CACNA2D3: variants seen among roughly 807,000 people sequenced by gnomAD.
CACNA2D3 encodes the protein calcium voltage-gated channel auxiliary subunit alpha2delta 3.
CACNA2D3 carries 60 observed loss-of-function variants against 160.6 expected under a neutral mutation model. The observed-to-expected ratio is 0.37, with a 90% CI of 0.30 to 0.46. The LOEUF (loss-of-function observed/expected upper bound fraction) is 0.46, where lower values mean the gene tolerates loss of function less well. Ranked by LOEUF, CACNA2D3 falls within the 20% of genes least tolerant of loss-of-function variation. The pLI, the probability that CACNA2D3 is intolerant of heterozygous loss-of-function variation, is 1.00. For missense variants in CACNA2D3, 1,205 were observed against 1,365.0 expected, an observed-to-expected ratio of 0.88 and a Z score of 1.85; for synonymous variants, 558 against 492.9, an observed-to-expected ratio of 1.13 and a Z score of -1.75.
intron 6 of CACNA2D3, among the ~76,000 whole-genome samples, chr3:54,567,029 C>A (rs1702419781): frequency 6.6e-6 from 1 of 152,144 alleles, no homozygotes; most frequent in South Asian, 2.1e-4. Flanking sequence ...CCTTGGCTAG[C>A]TCAACAGGAC....
intron 27 of CACNA2D3, among the ~76,000 whole-genome samples, chr3:54,959,770 A>G (rs1267252288): frequency 1.3e-5 from 2 of 152,152 alleles, no homozygotes; most frequent in Non-Finnish European, 2.9e-5. Context: ...TGGCTTGAAA[A>G]CTTTATTGAA....
rs553098447 is a variant in CACNA2D3 at position 54,717,650 on chromosome 3, T to C, written c.1168-34949T>C. ...CATGTGTGTGTGGTGTGTGCGTGTC[T>C]GGTGCGTGTGTATGCATGTGTGGTG... is the stretch of plus-strand genomic sequence containing the variant. On this transcript the variant is annotated intron_variant, in intron 11 of 37. Coordinates refer to ENST00000474759, the MANE Select transcript of CACNA2D3 (RefSeq NM_018398.3). Among the ~76,000 whole-genome samples the C allele has an allele frequency of 2.8e-5, 4 of 145,246 alleles. No homozygotes were observed. In the East Asian group the frequency reaches 8.2e-4, roughly 30 times the overall value.
chr3:54,306,430 A>G (rs898910226), intron 2 of CACNA2D3, among the ~76,000 whole-genome samples: 4 of 151,934 alleles, frequency 2.6e-5, no homozygotes, highest in Admixed American at 6.5e-5. Context: ...GTGGACTTCT[A>G]TTAACTTCCT....
At chr3:54,314,621 C>T (rs1703822385) in intron 2 of CACNA2D3, among the ~76,000 whole-genome samples, 2 of 152,070 alleles carry the variant, frequency 1.3e-5, no homozygotes, top group Non-Finnish European at 2.9e-5. Flanking sequence ...AAGGTGGTTT[C>T]GCATTGTGGT....
chr3:54,810,003 G>A (rs999138523), intron 13 of CACNA2D3, among the ~76,000 whole-genome samples: 2 of 152,174 alleles, frequency 1.3e-5, no homozygotes, highest in African/African-American at 2.4e-5. Flanking sequence ...ATTATAGAAA[G>A]ACACTTGGGG....
At position 54,500,436 on chromosome 3, in the gene CACNA2D3, G is replaced by A. The variant is rs147766395; in HGVS notation, c.382-3056G>A. Among the ~76,000 whole-genome samples, 935 of 151,698 alleles carry A rather than the reference G, an allele frequency of 6.2e-3. 16 individuals carry two copies. The highest frequency in any genetic ancestry group is 0.021 in the African/African-American group (866 of 41,322). On this transcript the variant is annotated intron_variant, in intron 4 of 37. Transcript: ENST00000474759. Reference sequence around the variant, plus strand: ...AGTTGGATTTATATGTACCATATTTGTAACAGTTTTCTATTCACTACCCCA... The same window carrying A: ...AGTTGGATTTATATGTACCATATTTATAACAGTTTTCTATTCACTACCCCA...
chr3:54,386,894 G>A, intron 4 of CACNA2D3, 120 bp downstream of exon 4: 2 of 869,194 alleles, frequency 2.3e-6, no homozygotes, highest in South Asian at 3.5e-5. Context: ...TGAGAGGATG[G>A]TACTGAGTTG....
At chr3:54,883,780 C>T (rs1699855965) in intron 21 of CACNA2D3, among the ~76,000 whole-genome samples, 1 of 72,728 alleles carries the variant, frequency 1.4e-5, no homozygotes, top group African/African-American at 4.0e-5. Flanking sequence ...CCTTTCCTGA[C>T]CTCCATAGTT....
chr3:54,665,494 G>A (rs994349317), intron 11 of CACNA2D3, among the ~76,000 whole-genome samples: 1 of 151,922 alleles, frequency 6.6e-6, no homozygotes. Flanking sequence ...TTATTTTATA[G>A]TGTACTTATT....
At chr3:54,273,138 T>A (rs1488960559) in intron 2 of CACNA2D3, 2 of 152,280 alleles carry the variant, frequency 1.3e-5, no homozygotes, top group African/African-American at 4.8e-5. Context: ...ATTTTTGCAG[T>A]TCCACGTGCC....
chr3:54,142,849 T>G (rs557188042), intron 2 of CACNA2D3, among the ~76,000 whole-genome samples: 1 of 152,344 alleles, frequency 6.6e-6, no homozygotes, highest in Admixed American at 6.5e-5. Context: ...AGTGCCTATG[T>G]CTGTAACCAC....
intron 11 of CACNA2D3, among the ~76,000 whole-genome samples, chr3:54,681,094 A>G (rs933290246): frequency 6.6e-6 from 1 of 151,666 alleles, no homozygotes; most frequent in Non-Finnish European, 1.5e-5. Flanking sequence ...CATTTTTAAA[A>G]TTTTCCTCTG....
intron 14 of CACNA2D3, among the ~76,000 whole-genome samples, chr3:54,834,038 G>A (rs1438624497): frequency 6.6e-6 from 1 of 152,116 alleles, no homozygotes; most frequent in East Asian, 1.9e-4. Flanking sequence ...GCAATATTAT[G>A]GGTTTCTTTT....
At chr3:54,169,401 A>G (rs1304174480) in intron 2 of CACNA2D3, among the ~76,000 whole-genome samples, 1 of 152,074 alleles carries the variant, frequency 6.6e-6, no homozygotes, top group Non-Finnish European at 1.5e-5. Context: ...TTCATGGTCC[A>G]TGGAAAGGGA....
Position 54,829,112 on chromosome 3 carries a change from A to G in CACNA2D3, c.1399-8047A>G, listed in dbSNP as rs549256612. ...GAGCAAAATCCACAGCCAGAGTCAGATGATGTTAACATTAGCCAAGTAGGC... is the reference window on the plus strand; with the variant it reads ...GAGCAAAATCCACAGCCAGAGTCAGGTGATGTTAACATTAGCCAAGTAGGC... On this transcript the variant is annotated intron_variant, in intron 14 of 37. Transcript: ENST00000474759. 3.3e-5 allele frequency among the ~76,000 whole-genome samples: 5 copies of G among 152,366 alleles called. No individual in the cohort carries two copies. In the South Asian group the frequency reaches 8.3e-4, roughly 25 times the overall value.
intron 4 of CACNA2D3, among the ~76,000 whole-genome samples, chr3:54,460,098 A>G (rs1471405704): frequency 5.3e-5 from 8 of 151,536 alleles, no homozygotes; most frequent in African/African-American, 2.4e-5. Flanking sequence ...ATGCGGCATT[A>G]TTTCTGAGGG....
chr3:54,916,680 G>A (rs956421978), intron 27 of CACNA2D3, among the ~76,000 whole-genome samples: 5 of 152,154 alleles, frequency 3.3e-5, no homozygotes, highest in Non-Finnish European at 5.9e-5. Flanking sequence ...AGGTGCATCC[G>A]TGTGAGACCT....
intron 9 of CACNA2D3, among the ~76,000 whole-genome samples, chr3:54,625,973 T>G (rs1299391815): frequency 6.6e-6 from 1 of 152,148 alleles, no homozygotes; most frequent in Admixed American, 6.5e-5. Context: ...TGTTGGGTGT[T>G]AGGGCGTGGT....
chr3:54,312,654 TGC>T (rs1703767364), intron 2 of CACNA2D3, among the ~76,000 whole-genome samples: 1 of 152,238 alleles, frequency 6.6e-6, no homozygotes, highest in Non-Finnish European at 1.5e-5. Context: ...GCAGAAATAA[TGC>T]ATTTCTGTGT....
Sources: gnomAD v4.1 joint callset for allele counts (sites outside exome capture counted in the v4.1 genomes callset) on GRCh38, gnomAD v4.1.1 for gene constraint, MANE v1.5 for transcripts, NCBI Gene and HGNC (gene_info 2026-07-23, HGNC 2026-07-21) for gene names.